The following UTP15 variants were observed in gnomAD, a reference collection of about 807,000 sequenced individuals.
UTP15 encodes the protein U3 small nucleolar RNA-associated protein 15 homolog.
In UTP15, 5 loss-of-function variants were observed where a neutral mutation model predicts 59.1. The ratio of observed to expected loss-of-function variants is 0.08; its 90% CI spans 0.04 to 0.18. The LOEUF (loss-of-function observed/expected upper bound fraction) is 0.18, where lower values mean the gene tolerates loss of function less well. Among genes scored for constraint, UTP15 ranks in the 10% least tolerant of loss-of-function variants. UTP15 has a pLI of 1.00. For missense variants in UTP15, 494 were observed against 616.7 expected, an observed-to-expected ratio of 0.80 and a Z score of 2.11; for synonymous variants, 211 against 212.2, an observed-to-expected ratio of 0.99 and a Z score of 0.05.
chr5:73,575,540 ACTTT>A (rs139987868), intron 7 of UTP15, among the ~76,000 whole-genome samples: 1,858 of 151,362 alleles, frequency 0.012, 35 homozygotes, highest in African/African-American at 0.042. Context: ...CTTCATGTGT[ACTTT>A]CTTTCTTTCT....
intron 7 of UTP15, among the ~76,000 whole-genome samples, chr5:73,574,026 C>T (rs913292638): frequency 1.3e-5 from 2 of 151,980 alleles, no homozygotes; most frequent in South Asian, 4.2e-4. Context: ...CACTATGATA[C>T]AATAATCATA....
chr5:73,570,724 A>C lies in UTP15; in HGVS notation c.673+13A>C. 1 of 1,609,590 alleles carries C rather than the reference A, an allele frequency of 6.2e-7. No individual in the cohort carries two copies. The highest frequency in any genetic ancestry group is 1.1e-5 in the South Asian group (1 of 89,544). On this transcript the variant is annotated intron_variant, in intron 6 of 12. Coordinates refer to ENST00000296792, the MANE Select transcript of UTP15 (RefSeq NM_032175.4). ...CTGGTGTCAGCAGGTACTTCTTAAA[A>C]ATAGCTTTCACCAATATTGTTGGTT...
rs112188799 is a variant in UTP15, at chr5:73,576,947, A to G, written c.810-5A>G. 1.3e-6 allele frequency: 2 copies of G among 1,572,176 alleles called. No individual in the cohort carries two copies. Among genetic ancestry groups the G allele is most frequent in the Non-Finnish European group, 1.7e-6 (2 of 1,165,836 alleles). ...ATTTTTGACAAAGCTTTTCCTTTTT[A>G]TTAGGAAGGTGAAAGTATACAGCAC... On this transcript the variant is annotated splice_polypyrimidine_tract_variant and splice_region_variant and intron_variant, in intron 7 of 12. Transcript: ENST00000296792.
In UTP15 at chr5:73,580,774, A is replaced by G. The variant is rs1200470973; in HGVS notation, c.*680A>G. ...TTGGACTACTTTTTTTTTTTTCTTC[A>G]TGCAGCCTTTCTACCAAGTTTTCAC... On this transcript the variant is annotated 3_prime_UTR_variant, in exon 13 of 13. Coordinates refer to ENST00000296792, the MANE Select transcript of UTP15 (RefSeq NM_032175.4). 2.6e-5 allele frequency: 4 copies of G among 151,210 alleles called. No individual in the cohort carries two copies. Among genetic ancestry groups the G allele is most frequent in the Admixed American group, 1.3e-4 (2 of 15,190 alleles). 9.4% of individuals were successfully genotyped at this position (151,210 alleles called of 1,614,324 possible).
chr5:73,576,967 C>T lies in UTP15; in HGVS notation c.825C>T (p.Tyr275=), dbSNP rs756970823. The T allele has an allele frequency of 3.7e-6, 6 of 1,602,366 alleles. No individual in the cohort carries two copies. The highest frequency in any genetic ancestry group is 5.1e-6 in the Non-Finnish European group (6 of 1,176,732). Residue 275 remains tyrosine (Y), a synonymous_variant, in exon 8 of 13, where the codon TAC becomes TAT. Coordinates refer to ENST00000296792, the MANE Select transcript of UTP15 (RefSeq NM_032175.4). The part of the protein sequence containing the change: ...SGSLDRKVKV[Y]STTSYKVVHS... ...TTTTTATTAGGAAGGTGAAAGTATA[C>T]AGCACAACTTCCTACAAAGTAGTCC...
chr5:73,578,526 T>C (rs980260052), intron 9 of UTP15: 18 of 465,920 alleles, frequency 3.9e-5, no homozygotes, highest in Admixed American at 2.2e-4. Flanking sequence ...AAGTTAAAAT[T>C]ATAAGAGAGT....
At chr5:73,573,652 C>T (rs1748007389) in intron 7 of UTP15, among the ~76,000 whole-genome samples, 1 of 150,606 alleles carries the variant, frequency 6.6e-6, no homozygotes, top group African/African-American at 2.4e-5. Context: ...TCTCAGCTCA[C>T]TGCAACCTCT....
Position 73,580,205 on chromosome 5 carries a change from G to C in UTP15, c.*111G>C. 1.1e-6 allele frequency: 1 copy of C among 913,028 alleles called. No homozygotes were observed. Among genetic ancestry groups the C allele is most frequent in the Non-Finnish European group, 1.6e-6 (1 of 622,016 alleles). The allele number at this position is 913,028 out of a possible 1,614,324, so 56.6% of individuals were successfully genotyped here. ...ATTAAAAAAACTGTTTGCAGAAGCA[G>C]TTCTGTGGAAGAGACTGGAATAATT... On this transcript the variant is annotated 3_prime_UTR_variant, in exon 13 of 13. Transcript: ENST00000296792.
chr5:73,578,622 A>G, intron 9 of UTP15, 129 bp from the exon 10 acceptor site: 1 of 742,794 alleles, frequency 1.3e-6, no homozygotes, highest in Non-Finnish European at 2.2e-6. Context: ...TTTAATCTAC[A>G]TTATGGGCAT....
chr5:73,566,420 A>G (rs1561274225), intron 1 of UTP15, among the ~76,000 whole-genome samples: 3 of 152,232 alleles, frequency 2.0e-5, no homozygotes, highest in East Asian at 3.8e-4. Flanking sequence ...TGTCCTGCAC[A>G]TTGGTAGGTA....
intron 7 of UTP15, among the ~76,000 whole-genome samples, chr5:73,573,680 G>A (rs183752942): frequency 1.4e-4 from 21 of 151,122 alleles, no homozygotes; most frequent in Admixed American, 1.3e-3. Flanking sequence ...GGGTTCAAGC[G>A]ATTCTGCCTC....
intron 6 of UTP15, 92 bp from the exon 7 acceptor site, chr5:73,572,397 T>C: frequency 6.6e-7 from 1 of 1,518,372 alleles, no homozygotes; most frequent in Non-Finnish European, 8.9e-7. Flanking sequence ...CCTCCATGCT[T>C]TGTGGAGTGT....
Position 73,578,821 on chromosome 5 carries a change from G to A in UTP15, c.1115G>A (p.Arg372Gln), listed in dbSNP as rs146995054. 101 of 1,608,142 alleles carry A rather than the reference G, an allele frequency of 6.3e-5. No individual in the cohort carries two copies. The highest frequency in any genetic ancestry group is 1.8e-4 in the Admixed American group (11 of 59,616). The change falls in exon 10 of 13, where the codon CGG becomes CAG. Residue 372 changes from arginine (R) to glutamine (Q), a missense_variant. Transcript: ENST00000296792. ...ELYDRDLKHF[R>Q]ISKALDRVLD... ...TATGACAGGGATCTGAAACATTTTCGGATCTCTAAGGCACTCGATAGAGTT... is the reference window on the plus strand; with the variant it reads ...TATGACAGGGATCTGAAACATTTTCAGATCTCTAAGGCACTCGATAGAGTT...
rs781663087 is a variant in UTP15 at position 73,580,138 on chromosome 5, A to C, written c.*44A>C. 3 of 1,540,440 alleles carry C rather than the reference A, an allele frequency of 1.9e-6. No homozygotes were observed. The highest frequency in any genetic ancestry group is 2.7e-6 in the Non-Finnish European group (3 of 1,123,294). On this transcript the variant is annotated 3_prime_UTR_variant, in exon 13 of 13. Coordinates refer to ENST00000296792, the MANE Select transcript of UTP15 (RefSeq NM_032175.4). Reference sequence around the variant, plus strand: ...TATAAGAACTCTGAAGTTGGAATAGATTTGACTGTATTAAATGTTGGCGAG... The same window carrying C: ...TATAAGAACTCTGAAGTTGGAATAGCTTTGACTGTATTAAATGTTGGCGAG...
Position 73,570,663 on chromosome 5 carries a change from G to T in UTP15, c.625G>T (p.Val209Leu), listed in dbSNP as rs1245756561. Residue 209 changes from valine (V) to leucine (L), a missense_variant, in exon 6 of 13, where the codon GTG (valine) becomes TTG (leucine). Val to Leu is a conservative substitution (Grantham distance 32). Transcript: ENST00000296792. ...SVLSVEHGQP[V>L]ESVLLFPSGG... is the part of the protein sequence containing the mutation. ...TCTCTCCGTTGAGCATGGGCAGCCA[G>T]TGGAGAGTGTCCTACTTTTCCCCTC... is the stretch of plus-strand genomic sequence containing the variant. The T allele has an allele frequency of 6.2e-7, 1 of 1,614,224 alleles. No homozygotes were observed. The highest frequency in any genetic ancestry group is 2.2e-5 in the East Asian group (1 of 44,880).
At chr5:73,572,808 T>G (rs111703985) in intron 7 of UTP15, among the ~76,000 whole-genome samples, 184 bp downstream of exon 7, 8,839 of 152,050 alleles carry the variant, frequency 0.058, 904 homozygotes, top group African/African-American at 0.2. Flanking sequence ...TTTCTTTTCT[T>G]TTTTTTTGAG....
intron 7 of UTP15, among the ~76,000 whole-genome samples, chr5:73,574,457 G>T (rs1355441173): frequency 2.0e-5 from 3 of 151,942 alleles, no homozygotes; most frequent in Non-Finnish European, 4.4e-5. Flanking sequence ...CTAGAAGTAT[G>T]GCACAGTTCT....
intron 7 of UTP15, among the ~76,000 whole-genome samples, chr5:73,573,252 T>TC (rs111644519): frequency 0.057 from 8,623 of 151,216 alleles, 883 homozygotes; most frequent in African/African-American, 0.2. Context: ...TTTGAAGTTT[T>TC]TTTTTTTTTT....
At position 73,580,918 on chromosome 5, in the gene UTP15, G is replaced by A. The variant is rs544343130; in HGVS notation, c.*824G>A. 6.6e-6 allele frequency: 1 copy of A among 152,096 alleles called. No individual in the cohort carries two copies. The highest frequency in any genetic ancestry group is 2.1e-4 in the South Asian group (1 of 4,828). 9.4% of individuals were successfully genotyped at this position (152,096 alleles called of 1,614,324 possible). A position where few individuals can be genotyped will look rare whatever the true frequency, so the allele number is the denominator to read the frequency against. ...TAAGCTACCTAATCCTCTGAAAACTGTTTTCTCTGATTTGTATTTAGATTC... is the reference window on the plus strand; with the variant it reads ...TAAGCTACCTAATCCTCTGAAAACTATTTTCTCTGATTTGTATTTAGATTC... On this transcript the variant is annotated 3_prime_UTR_variant, in exon 13 of 13. Coordinates refer to ENST00000296792, the MANE Select transcript of UTP15 (RefSeq NM_032175.4).
Sources: allele counts gnomAD v4.1 joint callset (sites outside exome capture counted in the v4.1 genomes callset), GRCh38; gene constraint gnomAD v4.1.1; transcripts MANE v1.5; gene names NCBI Gene and HGNC (gene_info 2026-07-23, HGNC 2026-07-21).